The following ROCK1 variants were observed in gnomAD, a reference collection of about 807,000 sequenced individuals.
The protein encoded by ROCK1 is Rho associated coiled-coil containing protein kinase 1, also known as rho-associated protein kinase 1.
Under a neutral mutation model 196.8 loss-of-function variants are expected in ROCK1, and 36 were observed. The observed-to-expected ratio is 0.18, with a 90% CI of 0.14 to 0.24. ROCK1 has a LOEUF of 0.24. ROCK1 is among the 10% of genes least tolerant of loss of function. The pLI, the probability that ROCK1 is intolerant of heterozygous loss-of-function variation, is 1.00. For missense variants in ROCK1, 920 were observed against 1,562.0 expected (o/e 0.59, Z 6.93); for synonymous variants, 443 against 515.9 (o/e 0.86, Z 1.91).
intron 2 of ROCK1, among the ~76,000 whole-genome samples, chr18:21,052,884 A>G (rs2036215499): frequency 6.6e-6 from 1 of 152,204 alleles, no homozygotes; most frequent in African/African-American, 2.4e-5. Flanking sequence ...TGCTCTAAAG[A>G]AAAATAATAA....
chr18:20,969,351 T>A, intron 23 of ROCK1, 143 bp from the exon 24 acceptor site: 3 of 517,822 alleles, frequency 5.8e-6, no homozygotes, highest in Non-Finnish European at 6.7e-6. Context: ...GCTTAAAATA[T>A]GTAATTACAT....
At chr18:21,096,972 A>G (rs1251885755) in intron 1 of ROCK1, among the ~76,000 whole-genome samples, 1 of 152,200 alleles carries the variant, frequency 6.6e-6, no homozygotes, top group East Asian at 1.9e-4. Flanking sequence ...CACAGTTGTG[A>G]TTTATGTCAG....
intron 4 of ROCK1, 110 bp from the exon 5 acceptor site, chr18:21,045,577 T>C (rs1241141747): frequency 2.3e-6 from 2 of 863,378 alleles, no homozygotes; most frequent in Non-Finnish European, 1.7e-6. Context: ...AATAATCAAA[T>C]TACAGAAGTT....
intron 2 of ROCK1, among the ~76,000 whole-genome samples, chr18:21,057,474 TAA>T (rs2036253525): frequency 6.6e-6 from 1 of 152,192 alleles, no homozygotes; most frequent in Admixed American, 6.5e-5. Context: ...CAATCATATA[TAA>T]ACTCTTCAAT....
chr18:20,990,604 G>T (rs768068421), intron 18 of ROCK1, among the ~76,000 whole-genome samples: 3 of 131,064 alleles, frequency 2.3e-5, no homozygotes, highest in African/African-American at 8.6e-5. Context: ...TGAGGCAGGA[G>T]AATTGCTTGA....
intron 1 of ROCK1, among the ~76,000 whole-genome samples, chr18:21,103,694 C>T (rs2036678858): frequency 6.6e-6 from 1 of 152,120 alleles, no homozygotes. Flanking sequence ...ATACTTGCAC[C>T]TTGGCCTCCA....
rs868553588 is a variant in ROCK1 at position 21,003,922 on chromosome 18, A to G, written c.1885+2429T>C. Among the ~76,000 whole-genome samples, 45 of 152,272 alleles carry G rather than the reference A, an allele frequency of 3.0e-4. 1 individual carries two copies. Among genetic ancestry groups the G allele is most frequent in the Middle Eastern group, 6.8e-3 (2 of 294 alleles). ...CAAGCAAACAATTAAAAAAAACAGA[A>G]AAAGACTTTTAAAAATGGTTAATTT... On this transcript the variant is annotated intron_variant, in intron 16 of 32. Transcript: ENST00000399799.
chr18:20,983,196 A>G (rs1348672806), intron 20 of ROCK1, among the ~76,000 whole-genome samples: 1 of 151,176 alleles, frequency 6.6e-6, no homozygotes, highest in Non-Finnish European at 1.5e-5. Flanking sequence ...TACAGTAAAT[A>G]AAAAAAGAGG....
At chr18:20,981,365 A>T (rs1420286506) in intron 21 of ROCK1, among the ~76,000 whole-genome samples, 1 of 152,160 alleles carries the variant, frequency 6.6e-6, no homozygotes, top group Non-Finnish European at 1.5e-5. Flanking sequence ...CTTGCTCTCC[A>T]GCCTGGGCAA....
rs900271332 is a variant in ROCK1, at chr18:20,968,279, G to A, written c.3004-339C>T. On this transcript the variant is annotated intron_variant, in intron 25 of 32. Transcript: ENST00000399799. ...TTCTACAACTATACAATATTACTAG[G>A]CAAGTTAGCTTTCTTAACTGAAATC... is the stretch of plus-strand genomic sequence containing the variant. 6.6e-5 allele frequency among the ~76,000 whole-genome samples: 10 copies of A among 151,900 alleles called. No individual in the cohort carries two copies. In the East Asian group the frequency reaches 9.7e-4, roughly 15 times the overall value.
chr18:21,085,149 T>C (rs2036515595), intron 1 of ROCK1, among the ~76,000 whole-genome samples: 1 of 151,846 alleles, frequency 6.6e-6, no homozygotes, highest in African/African-American at 2.4e-5. Context: ...TTGAGACAGA[T>C]GATATAGTGC....
intron 9 of ROCK1, among the ~76,000 whole-genome samples, chr18:21,039,207 CAAAG>C (rs759824009): frequency 1.2e-4 from 18 of 152,118 alleles, no homozygotes; most frequent in Non-Finnish European, 2.4e-4. Flanking sequence ...AACAATTCAA[CAAAG>C]ATCAAATGTA....
At chr18:21,024,138 T>G (rs1229400333) in intron 10 of ROCK1, among the ~76,000 whole-genome samples, 4 of 152,200 alleles carry the variant, frequency 2.6e-5, no homozygotes, top group Non-Finnish European at 5.9e-5. Flanking sequence ...CCACCTCTCC[T>G]GCACCCAACT....
In ROCK1 at chr18:21,111,321, G is replaced by A. The variant is rs529283373; in HGVS notation, c.-411C>T. 12 of 453,410 alleles carry A rather than the reference G, an allele frequency of 2.6e-5. No individual in the cohort carries two copies. Among genetic ancestry groups the A allele is most frequent in the African/African-American group, 1.6e-4 (8 of 49,090 alleles). 28.1% of individuals were successfully genotyped at this position (453,410 alleles called of 1,614,324 possible). Reference sequence around the variant, plus strand: ...TGGAGACTCCCTCCGGGCAACAAGGGAGGGAGAAGAGGAAAGGCGAAAGCA... The same window carrying A: ...TGGAGACTCCCTCCGGGCAACAAGGAAGGGAGAAGAGGAAAGGCGAAAGCA... On this transcript the variant is annotated 5_prime_UTR_variant, in exon 1 of 33. Transcript: ENST00000399799. The surrounding 1 kb of genome is among the most constrained non-coding windows in gnomAD (Gnocchi z 4.2).
intron 1 of ROCK1, among the ~76,000 whole-genome samples, chr18:21,077,293 A>G (rs1380231480): frequency 2.0e-5 from 3 of 152,136 alleles, no homozygotes; most frequent in African/African-American, 7.2e-5. Flanking sequence ...TTAAGTCTTG[A>G]GCAGGTAGCA....
intron 5 of ROCK1, among the ~76,000 whole-genome samples, chr18:21,044,643 G>T (rs755823933): frequency 3.9e-5 from 6 of 152,046 alleles, no homozygotes; most frequent in African/African-American, 4.8e-5. Context: ...GAATAAATAC[G>T]ACCTATTCAC....
intron 32 of ROCK1, 30 bp from the exon 33 acceptor site, chr18:20,951,417 A>G: frequency 1.3e-6 from 2 of 1,577,018 alleles, no homozygotes; most frequent in Non-Finnish European, 1.7e-6. Flanking sequence ...AAACTAATTT[A>G]AGAAATGCAC....
intron 16 of ROCK1, among the ~76,000 whole-genome samples, chr18:20,993,523 T>C (rs1462355860): frequency 6.6e-6 from 1 of 152,168 alleles, no homozygotes; most frequent in Non-Finnish European, 1.5e-5. Context: ...TCTAACCACA[T>C]TAAAGGTGAG....
At position 21,099,136 on chromosome 18, in the gene ROCK1, C is replaced by T. The variant is rs563016485; in HGVS notation, c.93+11682G>A. Among the ~76,000 whole-genome samples, 12 of 152,248 alleles carry T rather than the reference C, an allele frequency of 7.9e-5. No homozygotes were observed. The East Asian group carries it at 1.9e-3, about 24-fold the overall frequency. On this transcript the variant is annotated intron_variant, in intron 1 of 32. Transcript: ENST00000399799. The stretch of plus-strand genomic sequence containing the variant: ...AATATAAACAACTCAAATGTCCATC[C>T]ATAGGAGACTGAATTAACAATGCTA...
Sources: gnomAD v4.1 joint callset for allele counts (sites outside exome capture counted in the v4.1 genomes callset) on GRCh38, gnomAD v4.1.1 for gene constraint, Gnocchi (gnomAD v3.1) non-coding constraint, MANE v1.5 for transcripts, NCBI Gene and HGNC (gene_info 2026-07-23, HGNC 2026-07-21) for gene names.